Variants in RGS19 observed in about 807,000 individuals in gnomAD.
RGS19 encodes G alpha interacting protein.
A neutral mutation model predicts 22.0 loss-of-function variants in RGS19; 9 were observed. The observed-to-expected ratio is 0.41, with a 90% CI of 0.25 to 0.71. RGS19 has a LOEUF of 0.71. RGS19 is among the 30% of genes least tolerant of loss of function. The pLI is 0.32. For synonymous variants in RGS19, 130 were observed against 127.3 expected (o/e 1.02, Z -0.14); for missense variants, 256 against 307.1 (o/e 0.83, Z 1.24).
chr20:64,079,187 C>T lies in RGS19; in HGVS notation c.-69+107G>A, dbSNP rs1274638230. 2 of 152,180 alleles carry T rather than the reference C, an allele frequency of 1.3e-5. No homozygotes were observed. The highest frequency in any genetic ancestry group is 4.8e-5 in the African/African-American group (2 of 41,438). The allele number at this position is 152,180 out of a possible 1,614,324, so 9.4% of individuals were successfully genotyped here. A position where few individuals can be genotyped will look rare whatever the true frequency, so the allele number is the denominator to read the frequency against. ...TGGTGGTGGCCCACCCACCACGCTC[C>T]TCTCTCTGCTGTTAGGGTCCAGTCT... On this transcript the variant is annotated intron_variant, in intron 1 of 5. Transcript: ENST00000395042. The surrounding 1 kb of genome is among the most constrained non-coding windows in gnomAD (Gnocchi z 5.1).
In RGS19 at chr20:64,075,399, C is replaced by T. The variant is rs1485270928; in HGVS notation, c.153-858G>A. On this transcript the variant is annotated intron_variant, in intron 3 of 5. Coordinates refer to ENST00000395042, the MANE Select transcript of RGS19 (RefSeq NM_005873.3). This position sits in a 1 kb window ranked among gnomAD's most constrained non-coding sequence, Gnocchi z 4.6. ...TCCTAGCATCCTGTCAGTGCTGGAC[C>T]CAAATCCATACCCGGCTGACCTCTC... Among the ~76,000 whole-genome samples, 2 of 152,162 alleles carry T rather than the reference C, an allele frequency of 1.3e-5. No homozygotes were observed. Among genetic ancestry groups the T allele is most frequent in the East Asian group, 1.9e-4 (1 of 5,202 alleles).
At position 64,073,859 on chromosome 20, in the gene RGS19, C is replaced by A; in HGVS notation, c.648G>T (p.Glu216Asp). 2 of 1,609,396 alleles carry A rather than the reference C, an allele frequency of 1.2e-6. No individual in the cohort carries two copies. The highest frequency in any genetic ancestry group is 1.3e-5 in the African/African-American group (1 of 74,998). Residue 216 changes from glutamate (E) to aspartate (D), a missense_variant, in exon 6 of 6, where the codon GAG becomes GAT. By Grantham distance (45) the Glu-to-Asp change is conservative. Coordinates refer to ENST00000395042, the MANE Select transcript of RGS19 (RefSeq NM_005873.3). Reference sequence around the variant, plus strand: ...CTGTGCTGCTGGGGGCGGCCTAGGCCTCGGAGGAGGACTGTGATGGCCCCT... The same window carrying A: ...CTGTGCTGCTGGGGGCGGCCTAGGCATCGGAGGAGGACTGTGATGGCCCCT... ...LLQGPSQSSS[E>D]A
chr20:64,074,561 A>G lies in RGS19; in HGVS notation c.153-20T>C, dbSNP rs1215164619. 1 of 1,545,232 alleles carries G rather than the reference A, an allele frequency of 6.5e-7. No individual in the cohort carries two copies. Among genetic ancestry groups the G allele is most frequent in the Non-Finnish European group, 8.7e-7 (1 of 1,145,008 alleles). ...TGGTTCCTAGTGGCAGAGAGGAAGC[A>G]GCGCTGCCGTGGGCACACACGCCTC... On this transcript the variant is annotated intron_variant, in intron 3 of 5. Transcript: ENST00000395042.
In RGS19 at chr20:64,073,631, C is replaced by T. The variant is rs897739964; in HGVS notation, c.*222G>A. On this transcript the variant is annotated 3_prime_UTR_variant, in exon 6 of 6. Transcript: ENST00000395042. ...CGGGCCGATGAGGGGGCTTCTGGCC[C>T]GCCCTGCACCTGGAGGCCCGCCCTG... 2.6e-5 allele frequency: 13 copies of T among 493,522 alleles called. No homozygotes were observed. Among genetic ancestry groups the T allele is most frequent in the Admixed American group, 7.4e-5 (2 of 26,916 alleles). 30.6% of individuals were successfully genotyped at this position (493,522 alleles called of 1,614,324 possible).
rs1029355669 is a variant in RGS19, at chr20:64,076,765, G to A, written c.30+92C>T. ...GCACATGACCCTTCTGGCCTCCCGG[G>A]TGTTCAGGGATCTCCCAGCTCCTTG... On this transcript the variant is annotated intron_variant, in intron 2 of 5. Coordinates refer to ENST00000395042, the MANE Select transcript of RGS19 (RefSeq NM_005873.3). The A allele has an allele frequency of 1.3e-5, 20 of 1,531,116 alleles. No homozygotes were observed. In the African/African-American group the frequency reaches 2.0e-4, roughly 15 times the overall value. The allele number at this position is 1,531,116 out of a possible 1,614,324, so 94.8% of individuals were successfully genotyped here.
At chr20:64,079,538 C>G (rs1313012561), upstream of RGS19, 2 of 151,194 alleles carry the variant, frequency 1.3e-5, no homozygotes, top group African/African-American at 4.9e-5. The surrounding 1 kb of genome is among the most constrained non-coding windows in gnomAD (Gnocchi z 5.1). Context: ...GGGGCGGGGG[C>G]GGACAGGGTG....
chr20:64,075,889 T>C lies in RGS19; in HGVS notation c.152+636A>G, dbSNP rs563862696. On this transcript the variant is annotated intron_variant, in intron 3 of 5. Coordinates refer to ENST00000395042, the MANE Select transcript of RGS19 (RefSeq NM_005873.3). This position sits in a 1 kb window ranked among gnomAD's most constrained non-coding sequence, Gnocchi z 4.6. ...CCTGTCTTTCTTTCTTTCTTTCTTT[T>C]TTTTTTTTTGAGACGGAGTTTTGCT... is the stretch of plus-strand genomic sequence containing the variant. Among the ~76,000 whole-genome samples, 28 of 151,606 alleles carry C rather than the reference T, an allele frequency of 1.8e-4. No individual in the cohort carries two copies. The East Asian group carries it at 2.5e-3, about 14-fold the overall frequency.
In RGS19 at chr20:64,073,807, A is replaced by G; in HGVS notation, c.*46T>C. 2 of 1,514,878 alleles carry G rather than the reference A, an allele frequency of 1.3e-6. 1 individual carries two copies. The allele number at this position is 1,514,878 out of a possible 1,614,324, so 93.8% of individuals were successfully genotyped here. A position where few individuals can be genotyped will look rare whatever the true frequency, so the allele number is the denominator to read the frequency against. On this transcript the variant is annotated 3_prime_UTR_variant, in exon 6 of 6. Transcript: ENST00000395042. ...CGACAACAACACCTGAAGGGAACCC[A>G]GAGTCGGCCGTAGGAGGCGGCGGGG...
intron 3 of RGS19, among the ~76,000 whole-genome samples, chr20:64,074,899 C>T (rs995831213): frequency 2.6e-5 from 4 of 152,192 alleles, no homozygotes; most frequent in African/African-American, 9.7e-5. Flanking sequence ...TCCTCCCCAT[C>T]CCTGGCCCAC....
Position 64,076,652 on chromosome 20 carries a change from GA to G in RGS19, c.31-7del. ...GCCTCCTCTGGCCCTGTGATCTGGG[GA>G]AAAGTGGGGCTACCTCAGCTTTCAG... On this transcript the variant is annotated splice_region_variant and splice_polypyrimidine_tract_variant and intron_variant, in intron 2 of 5. Coordinates refer to ENST00000395042, the MANE Select transcript of RGS19 (RefSeq NM_005873.3). 6.3e-7 allele frequency: 1 copy of G among 1,593,730 alleles called. No individual in the cohort carries two copies. The highest frequency in any genetic ancestry group is 8.5e-7 in the Non-Finnish European group (1 of 1,169,842).
intron 3 of RGS19, among the ~76,000 whole-genome samples, chr20:64,076,109 G>A (rs886407927): frequency 6.6e-6 from 1 of 152,072 alleles, no homozygotes; most frequent in South Asian, 2.1e-4. Flanking sequence ...TCGAACTCCC[G>A]ACCTCAGGTG....
rs1468114365 is a variant in RGS19, at chr20:64,075,686, G to T, written c.152+839C>A. ...TCCTAGGAAATCTGTTACCATCTGG[G>T]AGCCCCACTCCCACCCTCACAGGGA... On this transcript the variant is annotated intron_variant, in intron 3 of 5. Coordinates refer to ENST00000395042, the MANE Select transcript of RGS19 (RefSeq NM_005873.3). This position sits in a 1 kb window ranked among gnomAD's most constrained non-coding sequence, Gnocchi z 4.6. 6.6e-6 allele frequency among the ~76,000 whole-genome samples: 1 copy of T among 152,100 alleles called. No homozygotes were observed. The highest frequency in any genetic ancestry group is 1.9e-4 in the East Asian group (1 of 5,186).
At chr20:64,077,904 C>A (rs990603815) in intron 1 of RGS19, among the ~76,000 whole-genome samples, 1 of 152,178 alleles carries the variant, frequency 6.6e-6, no homozygotes, top group South Asian at 2.1e-4. Context: ...GCCCCGGAGG[C>A]AGTTGTGAAC....
At chr20:64,077,155 G>T in intron 1 of RGS19, 1 of 403,310 alleles carries the variant, frequency 2.5e-6, no homozygotes, top group Admixed American at 4.3e-5. Context: ...GGGAGCTGCA[G>T]CAGCTTCTGG....
intron 3 of RGS19, 125 bp from the exon 4 acceptor site, chr20:64,074,666 G>T: frequency 2.3e-6 from 2 of 868,832 alleles, no homozygotes; most frequent in South Asian, 1.7e-5. Context: ...GCCCCTGCAG[G>T]CACCTGACAC....
At position 64,073,564 on chromosome 20, in the gene RGS19, C is replaced by T. The variant is rs2059873482; in HGVS notation, c.*289G>A. The T allele has an allele frequency of 2.6e-6, 1 of 391,668 alleles. No individual in the cohort carries two copies. The highest frequency in any genetic ancestry group is 4.1e-5 in the South Asian group (1 of 24,438). 24.3% of individuals were successfully genotyped at this position (391,668 alleles called of 1,614,324 possible). A position where few individuals can be genotyped will look rare whatever the true frequency, so the allele number is the denominator to read the frequency against. On this transcript the variant is annotated 3_prime_UTR_variant, in exon 6 of 6. Transcript: ENST00000395042. ...CTCCTGGGGGGACCCCTACTCTCAC[C>T]ACGCAAGAGCCCCCAGCCAGGAGCA...
Position 64,076,916 on chromosome 20 carries a change from G to A in RGS19, c.-30C>T, listed in dbSNP as rs2059910311. 13 of 1,506,562 alleles carry A rather than the reference G, an allele frequency of 8.6e-6. No homozygotes were observed. The highest frequency in any genetic ancestry group is 2.4e-5 in the Admixed American group (1 of 40,878). The allele number at this position is 1,506,562 out of a possible 1,614,324, so 93.3% of individuals were successfully genotyped here. Reference sequence around the variant, plus strand: ...GGGCGGAGGAGGTTGCCCAGGCTCCGTGGTACCAGCTCTCAGACCCTCACC... The same window carrying A: ...GGGCGGAGGAGGTTGCCCAGGCTCCATGGTACCAGCTCTCAGACCCTCACC... On this transcript the variant is annotated 5_prime_UTR_variant, in exon 2 of 6. The change creates a new upstream start codon in the 5' untranslated region. Coordinates refer to ENST00000395042, the MANE Select transcript of RGS19 (RefSeq NM_005873.3).
chr20:64,077,643 G>T (rs1257301390), intron 1 of RGS19, among the ~76,000 whole-genome samples: 1 of 152,180 alleles, frequency 6.6e-6, no homozygotes, highest in East Asian at 1.9e-4. Flanking sequence ...GTGGAACCAA[G>T]GCCCTACCAC....
rs766107328 is a variant in RGS19, at chr20:64,076,900, A to T, written c.-14T>A. 2 of 1,518,746 alleles carry T rather than the reference A, an allele frequency of 1.3e-6. No individual in the cohort carries two copies. Among genetic ancestry groups the T allele is most frequent in the South Asian group, 2.6e-5 (2 of 76,536 alleles). 94.1% of individuals were successfully genotyped at this position (1,518,746 alleles called of 1,614,324 possible). A position where few individuals can be genotyped will look rare whatever the true frequency, so the allele number is the denominator to read the frequency against. On this transcript the variant is annotated 5_prime_UTR_variant, in exon 2 of 6. Transcript: ENST00000395042. The stretch of plus-strand genomic sequence containing the variant: ...CGGGGTGGGCATGGGTGGGCGGAGG[A>T]GGTTGCCCAGGCTCCGTGGTACCAG...
Sources: gnomAD v4.1 joint callset for allele counts (sites outside exome capture counted in the v4.1 genomes callset) on GRCh38, gnomAD v4.1.1 for gene constraint, Gnocchi (gnomAD v3.1) non-coding constraint, MANE v1.5 for transcripts, NCBI Gene and HGNC (gene_info 2026-07-23, HGNC 2026-07-21) for gene names.